Variants in TIMM21 observed in about 807,000 individuals in gnomAD.
The protein encoded by TIMM21 is translocase of inner mitochondrial membrane 21, also known as mitochondrial import inner membrane translocase subunit Tim21.
A neutral mutation model predicts 27.7 loss-of-function variants in TIMM21; 30 were observed. The ratio of observed to expected loss-of-function variants is 1.08; its 90% CI spans 0.81 to 1.47. The LOEUF is 1.47. Ranked by LOEUF, TIMM21 falls within the 40% of genes most tolerant of loss-of-function variation. The pLI is 0.00. For missense variants in TIMM21, 292 were observed against 302.9 expected, an observed-to-expected ratio of 0.96 and a Z score of 0.27; for synonymous variants, 121 against 114.4, an observed-to-expected ratio of 1.06 and a Z score of -0.37.
chr18:74,154,972 T>C (rs1223436078), intron 1 of TIMM21, 173 bp from the exon 2 acceptor site: 1 of 625,224 alleles, frequency 1.6e-6, no homozygotes, highest in East Asian at 2.7e-5. Context: ...CTCTGAGAAT[T>C]CTGCTGAGGC....
At chr18:74,154,874 T>A (rs1002022795) in intron 1 of TIMM21, among the ~76,000 whole-genome samples, 10 of 152,110 alleles carry the variant, frequency 6.6e-5, no homozygotes, top group Admixed American at 6.6e-4. Context: ...AATCTGGGAG[T>A]GTTGCCTAAC....
chr18:74,149,914 AC>A (rs1267293278), intron 1 of TIMM21, among the ~76,000 whole-genome samples: 1 of 152,182 alleles, frequency 6.6e-6, no homozygotes, highest in African/African-American at 2.4e-5. Context: ...CCTCATCTGC[AC>A]CCCATTCAGA....
chr18:74,158,040 T>C lies in TIMM21; in HGVS notation c.489T>C (p.Val163=). 2 of 1,614,172 alleles carry C rather than the reference T, an allele frequency of 1.2e-6. No homozygotes were observed. Among genetic ancestry groups the C allele is most frequent in the Non-Finnish European group, 1.7e-6 (2 of 1,180,036 alleles). The change falls in exon 4 of 6, where the codon GTT becomes GTC. Residue 163 remains valine (V), a synonymous_variant. Transcript: ENST00000169551. ...TGATCGGTGTCTTTGGTGAGTCTGTTAAAGGCTATGGGGAGGTGACAAGGC... is the reference window on the plus strand; with the variant it reads ...TGATCGGTGTCTTTGGTGAGTCTGTCAAAGGCTATGGGGAGGTGACAAGGC... ...PEVIGVFGES[V]KGYGEVTRRG...
In TIMM21 at chr18:74,159,951, C is replaced by T. The variant is rs948500273; in HGVS notation, c.*1471C>T. ...CACCCTCCATGGCCCTGTCATTTGA[C>T]TTAAGACTGTTTGCTTTTTCTGTAT... On this transcript the variant is annotated 3_prime_UTR_variant, in exon 6 of 6. Coordinates refer to ENST00000169551, the MANE Select transcript of TIMM21 (RefSeq NM_014177.3). 2.0e-5 allele frequency: 3 copies of T among 152,194 alleles called. No homozygotes were observed. The highest frequency in any genetic ancestry group is 7.2e-5 in the African/African-American group (3 of 41,436). The allele number at this position is 152,194 out of a possible 1,614,324, so 9.4% of individuals were successfully genotyped here. A position where few individuals can be genotyped will look rare whatever the true frequency, so the allele number is the denominator to read the frequency against.
At position 74,149,080 on chromosome 18, in the gene TIMM21, G is replaced by A. The variant is rs139456154; in HGVS notation, c.272G>A (p.Gly91Glu). Residue 91 changes from glycine to glutamate, a missense_variant, in exon 1 of 6, where the codon GGG becomes GAG. Gly to Glu is a moderately conservative substitution (Grantham distance 98). Coordinates refer to ENST00000169551, the MANE Select transcript of TIMM21 (RefSeq NM_014177.3). ...GTGTCTGTGCACAGGAGTCAGAGAG[G>A]GGGAACCGCCGTCCCAACATCACAA... ...KQVSVHRSQR[G>E]GTAVPTSQKV... 5 of 1,610,876 alleles carry A rather than the reference G, an allele frequency of 3.1e-6. No individual in the cohort carries two copies. Among genetic ancestry groups the A allele is most frequent in the South Asian group, 1.1e-5 (1 of 91,016 alleles).
At chr18:74,154,638 G>T (rs1979901210) in intron 1 of TIMM21, among the ~76,000 whole-genome samples, 1 of 152,138 alleles carries the variant, frequency 6.6e-6, no homozygotes, top group Non-Finnish European at 1.5e-5. Context: ...TTATTAGTGT[G>T]GGAAAACAAA....
In TIMM21 at chr18:74,159,649, A is replaced by G. The variant is rs748262256; in HGVS notation, c.*1169A>G. On this transcript the variant is annotated 3_prime_UTR_variant, in exon 6 of 6. Coordinates refer to ENST00000169551, the MANE Select transcript of TIMM21 (RefSeq NM_014177.3). ...ATGTTTTTAATTATAAAAATTTCCA[A>G]CATTTAAGGAGTATAGAAAATATAA... 1 of 152,170 alleles carries G rather than the reference A, an allele frequency of 6.6e-6. No homozygotes were observed. Among genetic ancestry groups the G allele is most frequent in the Admixed American group, 6.5e-5 (1 of 15,284 alleles). The allele number at this position is 152,170 out of a possible 1,614,324, so 9.4% of individuals were successfully genotyped here.
Position 74,153,687 on chromosome 18 carries a change from G to A in TIMM21, c.302-1458G>A, listed in dbSNP as rs573350178. Among the ~76,000 whole-genome samples, 11 of 152,294 alleles carry A rather than the reference G, an allele frequency of 7.2e-5. 1 individual carries two copies. In the South Asian group the frequency reaches 1.9e-3, roughly 26 times the overall value. ...ATTTGAATAATGTCTTCTAAGTTGG[G>A]AACCTTGCTGAAAACTTGAAGGATT... On this transcript the variant is annotated intron_variant, in intron 1 of 5. Transcript: ENST00000169551.
At chr18:74,153,379 C>T (rs1979863511) in intron 1 of TIMM21, among the ~76,000 whole-genome samples, 1 of 152,204 alleles carries the variant, frequency 6.6e-6, no homozygotes, top group South Asian at 2.1e-4. Context: ...AAGGGACAGT[C>T]AGAAGTCCAG....
chr18:74,150,963 A>G (rs1979785518), intron 1 of TIMM21, among the ~76,000 whole-genome samples: 1 of 152,188 alleles, frequency 6.6e-6, no homozygotes. Context: ...TTCCAAAGGA[A>G]CTAAAGTGGG....
At chr18:74,154,994 G>C (rs1599209677) in intron 1 of TIMM21, 151 bp from the exon 2 acceptor site, 1 of 678,610 alleles carries the variant, frequency 1.5e-6, no homozygotes, top group East Asian at 2.6e-5. Flanking sequence ...CTGACACACA[G>C]GGAGTTTTCA....
At chr18:74,155,515 A>G in intron 3 of TIMM21, 112 bp downstream of exon 3, 1 of 822,638 alleles carries the variant, frequency 1.2e-6, no homozygotes, top group Non-Finnish European at 1.9e-6. Context: ...AATTCACATA[A>G]TAATACATAA....
Sources: allele counts gnomAD v4.1 joint callset (sites outside exome capture counted in the v4.1 genomes callset), GRCh38; gene constraint gnomAD v4.1.1; transcripts MANE v1.5; gene names NCBI Gene and HGNC (gene_info 2026-07-23, HGNC 2026-07-21).